IGF1R: variants seen among roughly 807,000 people sequenced by gnomAD.
IGF1R encodes the protein insulin like growth factor 1 receptor.
A neutral mutation model predicts 144.6 loss-of-function variants in IGF1R; 44 were observed. The observed-to-expected ratio is 0.30, with a 90% CI of 0.24 to 0.39. The LOEUF (loss-of-function observed/expected upper bound fraction) is 0.39, where lower values mean the gene tolerates loss of function less well. IGF1R is among the 10% of genes least tolerant of loss of function. The pLI is 1.00. For missense variants in IGF1R, 1,355 were observed against 1,833.7 expected (o/e 0.74, Z 4.77); for synonymous variants, 795 against 722.8 (o/e 1.10, Z -1.60).
At chr15:98,924,705 A>C (rs1464430) in intron 13 of IGF1R, 21 bp downstream of exon 13, 522,975 of 1,604,826 alleles carry the variant, frequency 0.33, 90,307 homozygotes, top group African/African-American at 0.65. Context: ...TGGAGGGAGA[A>C]GAAACGTGGT....
intron 20 of IGF1R, among the ~76,000 whole-genome samples, chr15:98,951,757 C>G (rs2016783727): frequency 1.3e-5 from 2 of 152,192 alleles, no homozygotes; most frequent in Non-Finnish European, 2.9e-5. Context: ...GGATGTGTAG[C>G]TGGCTTCTCT....
intron 13 of IGF1R, among the ~76,000 whole-genome samples, chr15:98,928,437 C>T (rs977285183): frequency 5.3e-5 from 8 of 152,208 alleles, no homozygotes; most frequent in Non-Finnish European, 1.0e-4. Flanking sequence ...TTCCCTGGAA[C>T]GCGAATCTGA....
At chr15:98,688,414 CTGTG>C (rs10528336) in intron 1 of IGF1R, among the ~76,000 whole-genome samples, 23,029 of 143,402 alleles carry the variant, frequency 0.16, 1,897 homozygotes, top group East Asian at 0.24. Flanking sequence ...CAACACACAC[CTGTG>C]TGTGTGTGTG....
At chr15:98,796,282 G>A (rs2056239737) in intron 2 of IGF1R, among the ~76,000 whole-genome samples, 1 of 152,146 alleles carries the variant, frequency 6.6e-6, no homozygotes. Flanking sequence ...GGGGTGTGTG[G>A]GGGTGGTTGG....
At position 98,963,407 on chromosome 15, in the gene IGF1R, C is replaced by G. The variant is rs993825314; in HGVS notation, c.*5965C>G. Reference sequence around the variant, plus strand: ...CAGTATCTTGGTCTTCCAGAACCCTCTGGTTGGGAAGGGGATCATTTTTTA... The same window carrying G: ...CAGTATCTTGGTCTTCCAGAACCCTGTGGTTGGGAAGGGGATCATTTTTTA... On this transcript the variant is annotated 3_prime_UTR_variant, in exon 21 of 21. Transcript: ENST00000650285. The G allele has an allele frequency of 4.3e-6, 1 of 233,274 alleles. No homozygotes were observed. Among genetic ancestry groups the G allele is most frequent in the South Asian group, 1.8e-4 (1 of 5,530 alleles). 14.5% of individuals were successfully genotyped at this position (233,274 alleles called of 1,614,324 possible).
At chr15:98,832,608 A>G (rs1408317339) in intron 2 of IGF1R, among the ~76,000 whole-genome samples, 1 of 151,878 alleles carries the variant, frequency 6.6e-6, no homozygotes, top group African/African-American at 2.4e-5. Context: ...GTAGATCTTG[A>G]TTGCCTTTCT....
rs2017234178 is a variant in IGF1R, at chr15:98,961,728, CTGTTGAACT to C, written c.*4289_*4297del. The C allele has an allele frequency of 4.3e-6, 1 of 233,518 alleles. No individual in the cohort carries two copies. The highest frequency in any genetic ancestry group is 5.6e-5 in the Admixed American group (1 of 17,778). 14.5% of individuals were successfully genotyped at this position (233,518 alleles called of 1,614,324 possible). A position where few individuals can be genotyped will look rare whatever the true frequency, so the allele number is the denominator to read the frequency against. On this transcript the variant is annotated 3_prime_UTR_variant, in exon 21 of 21. Coordinates refer to ENST00000650285, the MANE Select transcript of IGF1R (RefSeq NM_000875.5). ...CAGGAGCTGGTGTGTACTGGAGACA[CTGTTGAACT>C]TGATCAAGACCCAGACCACCCCAGG...
rs574048147 is a variant in IGF1R at position 98,960,482 on chromosome 15, T to C, written c.*3040T>C. 28 of 233,224 alleles carry C rather than the reference T, an allele frequency of 1.2e-4. No individual in the cohort carries two copies. Among genetic ancestry groups the C allele is most frequent in the African/African-American group, 5.5e-4 (25 of 45,454 alleles). The allele number at this position is 233,224 out of a possible 1,614,324, so 14.4% of individuals were successfully genotyped here. A position where few individuals can be genotyped will look rare whatever the true frequency, so the allele number is the denominator to read the frequency against. ...TGGAATGACCAACACATTTCGTCCT[T>C]AAGAGAGCAGTGGTTCCTCAGGTTC... On this transcript the variant is annotated 3_prime_UTR_variant, in exon 21 of 21. Coordinates refer to ENST00000650285, the MANE Select transcript of IGF1R (RefSeq NM_000875.5).
At chr15:98,946,499 G>T (rs558480026) in intron 19 of IGF1R, among the ~76,000 whole-genome samples, 3 of 152,172 alleles carry the variant, frequency 2.0e-5, no homozygotes, top group Non-Finnish European at 4.4e-5. Context: ...AGGCAAGCAG[G>T]ATCCTGCACA....
intron 2 of IGF1R, among the ~76,000 whole-genome samples, chr15:98,815,214 G>T (rs1219651036): frequency 1.3e-5 from 2 of 152,356 alleles, no homozygotes; most frequent in East Asian, 3.9e-4. Flanking sequence ...GGCTCTTGGG[G>T]CAAACCAGCT....
rs149368523 is a variant in IGF1R at position 98,667,541 on chromosome 15, C to T, written c.94+17866C>T. On this transcript the variant is annotated intron_variant, in intron 1 of 20. Transcript: ENST00000650285. ...CATGCTGTGTGTCGAAGGCCAGGTC[C>T]GCCTGTCTGCCTCTCCAGCAGATAC... 2.2e-3 allele frequency among the ~76,000 whole-genome samples: 335 copies of T among 152,320 alleles called. 2 individuals are homozygous for T. The highest frequency in any genetic ancestry group is 3.6e-3 in the Non-Finnish European group (246 of 68,040).
At chr15:98,892,545 A>AAAG (rs10661402) in intron 3 of IGF1R, among the ~76,000 whole-genome samples, 1 of 151,386 alleles carries the variant, frequency 6.6e-6, no homozygotes, top group Non-Finnish European at 1.5e-5. Context: ...AAAAAAAAAA[A>AAAG]GAGAAGTTCG....
At chr15:98,706,689 T>C (rs2053871033) in intron 1 of IGF1R, among the ~76,000 whole-genome samples, 1 of 152,212 alleles carries the variant, frequency 6.6e-6, no homozygotes, top group African/African-American at 2.4e-5. Flanking sequence ...TAGTAAAATA[T>C]TAAGTGAAGG....
In IGF1R at chr15:98,828,229, G is replaced by A. The variant is rs373344231; in HGVS notation, c.641-63096G>A. Among the ~76,000 whole-genome samples, 13 of 152,286 alleles carry A rather than the reference G, an allele frequency of 8.5e-5. No individual in the cohort carries two copies. In the South Asian group the frequency reaches 2.1e-3, roughly 24 times the overall value. On this transcript the variant is annotated intron_variant, in intron 2 of 20. Transcript: ENST00000650285. ...TCTTCCCAGCACCCTAAATACTCGG[G>A]CTAAACTTCCACAGTCAGACCGTCA...
intron 2 of IGF1R, among the ~76,000 whole-genome samples, chr15:98,731,762 T>A (rs1352624327): frequency 6.6e-6 from 1 of 152,210 alleles, no homozygotes; most frequent in Non-Finnish European, 1.5e-5. Flanking sequence ...GCATACAGGT[T>A]GGAGGCTTGT....
chr15:98,942,560 A>C (rs1448042260), intron 18 of IGF1R, among the ~76,000 whole-genome samples: 2 of 152,172 alleles, frequency 1.3e-5, no homozygotes, highest in Non-Finnish European at 2.9e-5. Flanking sequence ...GCTGATCTTG[A>C]ATTCCTGGGC....
intron 15 of IGF1R, among the ~76,000 whole-genome samples, chr15:98,934,307 C>G (rs994503146): frequency 6.6e-6 from 1 of 152,106 alleles, no homozygotes; most frequent in Non-Finnish European, 1.5e-5. Flanking sequence ...CGTGCACCAT[C>G]ATCACCTCTC....
chr15:98,690,380 A>G (rs1312001057), intron 1 of IGF1R, among the ~76,000 whole-genome samples: 1 of 152,132 alleles, frequency 6.6e-6, no homozygotes, highest in African/African-American at 2.4e-5. Flanking sequence ...TAGGCAATTA[A>G]AACAGGAGGT....
chr15:98,706,809 C>A (rs534952126), intron 1 of IGF1R, among the ~76,000 whole-genome samples: 3 of 145,474 alleles, frequency 2.1e-5, no homozygotes, highest in Non-Finnish European at 4.5e-5. Flanking sequence ...ATGTTGAGAT[C>A]GTTGATGATT....
Sources: gnomAD v4.1 joint callset for allele counts (sites outside exome capture counted in the v4.1 genomes callset) on GRCh38, gnomAD v4.1.1 for gene constraint, MANE v1.5 for transcripts, NCBI Gene and HGNC (gene_info 2026-07-23, HGNC 2026-07-21) for gene names.